Variants in KLF12 observed in about 807,000 individuals in gnomAD.
KLF12 encodes Krueppel-like factor 12.
A neutral mutation model predicts 37.8 loss-of-function variants in KLF12; 9 were observed. The observed-to-expected ratio is 0.24, with a 90% CI of 0.14 to 0.42. KLF12 has a LOEUF of 0.42. Among genes scored for constraint, KLF12 ranks in the 10% least tolerant of loss-of-function variants. KLF12 has a pLI of 1.00. For synonymous variants in KLF12, 208 were observed against 202.1 expected (o/e 1.03, Z -0.25); for missense variants, 411 against 516.0 (o/e 0.80, Z 1.97).
intron 3 of KLF12, among the ~76,000 whole-genome samples, chr13:73,851,814 A>G (rs898518972): frequency 6.6e-5 from 10 of 152,216 alleles, no homozygotes; most frequent in Non-Finnish European, 1.2e-4. Context: ...AACTAAATCT[A>G]TGACTCCACA....
intron 6 of KLF12, among the ~76,000 whole-genome samples, chr13:73,738,114 T>TACACACACACACATATATGTATGTGTAC (rs1555299031): frequency 4.3e-5 from 3 of 69,182 alleles, no homozygotes; most frequent in Non-Finnish European, 2.8e-5. Context: ...TATATATATA[T>TACACACACACACATATATGTATGTGTAC]ATATATATAT....
At chr13:74,214,426 T>C in the KLF12 span, among the ~76,000 whole-genome samples, 1 of 152,232 alleles carries the variant, frequency 6.6e-6, no homozygotes, top group Non-Finnish European at 1.5e-5. Flanking sequence ...AACATCCTCG[T>C]TGTTCAGTAA....
chr13:73,871,234 C>G (rs1177071537), intron 3 of KLF12, among the ~76,000 whole-genome samples: 2 of 152,164 alleles, frequency 1.3e-5, no homozygotes, highest in Non-Finnish European at 2.9e-5. Context: ...GTAGTACTCG[C>G]AACAGCAGCA....
intron 6 of KLF12, among the ~76,000 whole-genome samples, chr13:73,762,483 T>C (rs556144423): frequency 1.3e-5 from 2 of 152,306 alleles, no homozygotes; most frequent in African/African-American, 2.4e-5. Flanking sequence ...CATACCTTAA[T>C]AGTGTTAAGT....
At chr13:74,000,041 C>T (rs7328112) in intron 1 of KLF12, among the ~76,000 whole-genome samples, 126,805 of 152,040 alleles carry the variant, frequency 0.83, 53,545 homozygotes, top group Non-Finnish European at 0.91. Flanking sequence ...CTTGTTAAAC[C>T]GGTATCATAA....
At chr13:74,286,883 C>G in the KLF12 span, among the ~76,000 whole-genome samples, 2 of 152,094 alleles carry the variant, frequency 1.3e-5, no homozygotes, top group Non-Finnish European at 2.9e-5. Context: ...GGAATGGGGA[C>G]TCAGTAAATG....
At chr13:74,260,894 A>G in the KLF12 span, among the ~76,000 whole-genome samples, 1 of 152,114 alleles carries the variant, frequency 6.6e-6, no homozygotes, top group African/African-American at 2.4e-5. Context: ...TTGAAGAAAA[A>G]TGTAGGTGAG....
intron 1 of KLF12, among the ~76,000 whole-genome samples, chr13:74,063,329 T>A (rs758259969): frequency 4.4e-4 from 67 of 152,338 alleles, no homozygotes; most frequent in Non-Finnish European, 8.8e-4. Flanking sequence ...CAAAATGCTT[T>A]AAGGAGGCTT....
chr13:74,081,163 T>C (rs1874861013), intron 1 of KLF12, among the ~76,000 whole-genome samples: 1 of 152,184 alleles, frequency 6.6e-6, no homozygotes, highest in African/African-American at 2.4e-5. Context: ...TCTCATAATC[T>C]AGCCCTGCCA....
intron 3 of KLF12, among the ~76,000 whole-genome samples, chr13:73,923,345 T>C (rs1424981571): frequency 6.6e-6 from 1 of 152,202 alleles, no homozygotes; most frequent in Non-Finnish European, 1.5e-5. Context: ...AGTGTCCCAG[T>C]ATTACCCATA....
rs9543472 is a variant in KLF12 at position 73,847,552 on chromosome 13, C to T, written c.124-1179G>A. Among the ~76,000 whole-genome samples the T allele has an allele frequency of 1.6e-4, 24 of 152,006 alleles. No individual in the cohort carries two copies. The South Asian group carries it at 5.0e-3, about 32-fold the overall frequency. On this transcript the variant is annotated intron_variant, in intron 3 of 7. Coordinates refer to ENST00000377669, the MANE Select transcript of KLF12 (RefSeq NM_007249.5). Reference sequence around the variant, plus strand: ...AAAACATACAATAGGCAGTAGCACACGGGCATTTTACTCAGCAACTGAGAA... The same window carrying T: ...AAAACATACAATAGGCAGTAGCACATGGGCATTTTACTCAGCAACTGAGAA...
At chr13:73,938,875 A>G (rs1248469053) in intron 3 of KLF12, among the ~76,000 whole-genome samples, 1 of 152,108 alleles carries the variant, frequency 6.6e-6, no homozygotes, top group Admixed American at 6.6e-5. Flanking sequence ...GTGATTCTAT[A>G]CTTGTCTGCG....
At chr13:74,244,006 A>C in the KLF12 span, among the ~76,000 whole-genome samples, 1 of 152,212 alleles carries the variant, frequency 6.6e-6, no homozygotes, top group African/African-American at 2.4e-5. Flanking sequence ...TGCTTTTACT[A>C]ATATGAGTAT....
chr13:73,992,057 G>T (rs142104352), intron 2 of KLF12, among the ~76,000 whole-genome samples: 1 of 152,314 alleles, frequency 6.6e-6, no homozygotes, highest in East Asian at 1.9e-4. Flanking sequence ...AGAGGTAGTC[G>T]CAAAGCAAAG....
intron 3 of KLF12, among the ~76,000 whole-genome samples, chr13:73,914,345 G>A (rs548310268): frequency 1.1e-4 from 17 of 152,262 alleles, no homozygotes; most frequent in African/African-American, 3.6e-4. Flanking sequence ...TGCTGCAGGC[G>A]TTCATCAGCA....
At chr13:73,907,724 T>G (rs1888370278) in intron 3 of KLF12, among the ~76,000 whole-genome samples, 1 of 152,216 alleles carries the variant, frequency 6.6e-6, no homozygotes, top group Non-Finnish European at 1.5e-5. Context: ...GGGCTCATTT[T>G]AATTGATACT....
At chr13:73,720,538 A>C (rs1025098118) in intron 6 of KLF12, among the ~76,000 whole-genome samples, 2 of 152,206 alleles carry the variant, frequency 1.3e-5, no homozygotes, top group South Asian at 4.1e-4. Flanking sequence ...CTAAAGGCCC[A>C]CTTCTTTCCC....
chr13:73,946,177 AG>A (rs1890414302), intron 2 of KLF12, among the ~76,000 whole-genome samples: 1 of 152,146 alleles, frequency 6.6e-6, no homozygotes, highest in Non-Finnish European at 1.5e-5. Flanking sequence ...CCTACCCTGG[AG>A]GAGTTCTTGC....
intron 1 of KLF12, among the ~76,000 whole-genome samples, chr13:74,097,545 C>G (rs1309419225): frequency 6.6e-6 from 1 of 152,030 alleles, no homozygotes; most frequent in African/African-American, 2.4e-5. Flanking sequence ...ACAACCCTGG[C>G]CCAAAGATCC....
Sources: gnomAD v4.1 joint callset for allele counts (sites outside exome capture counted in the v4.1 genomes callset) on GRCh38, gnomAD v4.1.1 for gene constraint, MANE v1.5 for transcripts, NCBI Gene and HGNC (gene_info 2026-07-23, HGNC 2026-07-21) for gene names.